The following PCDHGB4 variants were observed in gnomAD, a reference collection of about 807,000 sequenced individuals.
PCDHGB4 encodes the protein protocadherin gamma subfamily B, 4.
PCDHGB4 carries 38 observed loss-of-function variants against 60.5 expected under a neutral mutation model. The ratio of observed to expected loss-of-function variants is 0.63; its 90% confidence interval spans 0.48 to 0.82. PCDHGB4 has a LOEUF of 0.82. PCDHGB4 is among the 40% of genes least tolerant of loss of function. The pLI, the probability that PCDHGB4 is intolerant of heterozygous loss-of-function variation, is 0.00. For synonymous variants in PCDHGB4, 456 were observed against 509.7 expected (o/e 0.89, Z 1.42); for missense variants, 1,109 against 1,209.6 (o/e 0.92, Z 1.23).
chr5:141,431,016 C>T lies in PCDHGB4; in HGVS notation c.2397+40735C>T, dbSNP rs755015257. Reference sequence around the variant, plus strand: ...AATCCGCGCAGCGGCAGCTTGGTCACGGCGGGCAGGATAGACCGGGAGGAG... The same window carrying T: ...AATCCGCGCAGCGGCAGCTTGGTCATGGCGGGCAGGATAGACCGGGAGGAG... On this transcript the variant is annotated intron_variant, in intron 1 of 3. Transcript: ENST00000519479. This position sits in a 1 kb window ranked among gnomAD's most constrained non-coding sequence, Gnocchi z 4.8. 3 of 1,613,456 alleles carry T rather than the reference C, an allele frequency of 1.9e-6. No individual in the cohort carries two copies. The highest frequency in any genetic ancestry group is 2.2e-5 in the South Asian group (2 of 91,058).
At position 141,404,906 on chromosome 5, in the gene PCDHGB4, C is replaced by A. The variant is rs776779922; in HGVS notation, c.2397+14625C>A. 1 of 1,613,864 alleles carries A rather than the reference C, an allele frequency of 6.2e-7. No homozygotes were observed. The highest frequency in any genetic ancestry group is 8.5e-7 in the Non-Finnish European group (1 of 1,179,858). ...GGTGGCTGTACAGGACCATGGCCAGCCCCCTCTCTCGGCCACTGTCACGCT... is the reference window on the plus strand; with the variant it reads ...GGTGGCTGTACAGGACCATGGCCAGACCCCTCTCTCGGCCACTGTCACGCT... On this transcript the variant is annotated intron_variant, in intron 1 of 3. Transcript: ENST00000519479.
Position 141,485,574 on chromosome 5 carries a change from C to T in PCDHGB4, c.2398-9233C>T. 1 of 1,612,568 alleles carries T rather than the reference C, an allele frequency of 6.2e-7. No homozygotes were observed. Among genetic ancestry groups the T allele is most frequent in the Non-Finnish European group, 8.5e-7 (1 of 1,178,752 alleles). On this transcript the variant is annotated intron_variant, in intron 1 of 3. Transcript: ENST00000519479. This position sits in a 1 kb window ranked among gnomAD's most constrained non-coding sequence, Gnocchi z 5.7. ...GTGAATGATCACGCCCCCCGTTTTCCGCGGCAGCAGCTGGACTTGGAAATT... is the reference window on the plus strand; with the variant it reads ...GTGAATGATCACGCCCCCCGTTTTCTGCGGCAGCAGCTGGACTTGGAAATT...
rs549866784 is a variant in PCDHGB4, at chr5:141,437,490, A to G, written c.2397+47209A>G. ...TTTTATAGCATATTTAATCTCGTAGATCACTTTTCAATGAATTATAAGGCT... is the reference window on the plus strand; with the variant it reads ...TTTTATAGCATATTTAATCTCGTAGGTCACTTTTCAATGAATTATAAGGCT... On this transcript the variant is annotated intron_variant, in intron 1 of 3. Coordinates refer to ENST00000519479, the MANE Select transcript of PCDHGB4 (RefSeq NM_003736.4). 2.0e-5 allele frequency among the ~76,000 whole-genome samples: 3 copies of G among 152,308 alleles called. No homozygotes were observed. In the East Asian group the frequency reaches 5.8e-4, roughly 29 times the overall value.
chr5:141,463,359 T>C (rs2099057442), intron 1 of PCDHGB4, among the ~76,000 whole-genome samples: 2 of 151,672 alleles, frequency 1.3e-5, no homozygotes, highest in Admixed American at 6.6e-5. Flanking sequence ...GGATTTCCCC[T>C]TTCCTGCCCC....
chr5:141,399,991 G>C, intron 1 of PCDHGB4: 1 of 1,612,422 alleles, frequency 6.2e-7, no homozygotes, highest in Non-Finnish European at 8.5e-7. Context: ...CACAGGAGAG[G>C]TGCGCACAGC....
rs779949817 is a variant in PCDHGB4 at position 141,487,266 on chromosome 5, T to G, written c.2398-7541T>G. The G allele has an allele frequency of 6.2e-7, 1 of 1,614,054 alleles. No individual in the cohort carries two copies. The highest frequency in any genetic ancestry group is 8.5e-7 in the Non-Finnish European group (1 of 1,180,044). On this transcript the variant is annotated intron_variant, in intron 1 of 3. Transcript: ENST00000519479. This position sits in a 1 kb window ranked among gnomAD's most constrained non-coding sequence, Gnocchi z 5.0. The stretch of plus-strand genomic sequence containing the variant: ...ACCCTCTACTTGGCTGTGTCCCTAG[T>G]GGCAATTTGCTTTGTCTCCTTTGGC...
At chr5:141,419,053 T>C in intron 1 of PCDHGB4, 1 of 1,613,954 alleles carries the variant, frequency 6.2e-7, no homozygotes, top group South Asian at 1.1e-5. Context: ...ATTCTTCTTC[T>C]AATAATTACT....
At chr5:141,409,878 C>T in intron 1 of PCDHGB4, 4 of 1,612,952 alleles carry the variant, frequency 2.5e-6, no homozygotes, top group Middle Eastern at 1.6e-4. Flanking sequence ...AATGACAACG[C>T]ACCGCGGGTG....
intron 1 of PCDHGB4, chr5:141,417,979 G>C (rs2096202372): frequency 6.2e-7 from 1 of 1,613,752 alleles, no homozygotes; most frequent in Admixed American, 1.7e-5. Context: ...TTCCGGAGGA[G>C]CTGGCCAAGG....
chr5:141,469,436 G>A (rs556417221), intron 1 of PCDHGB4, among the ~76,000 whole-genome samples: 11 of 152,118 alleles, frequency 7.2e-5, no homozygotes, highest in East Asian at 1.9e-4. Flanking sequence ...TTAGCTGGGC[G>A]TGGTGGTGCA....
At chr5:141,415,476 G>A (rs765634887) in intron 1 of PCDHGB4, 1 of 1,614,076 alleles carries the variant, frequency 6.2e-7, no homozygotes. Context: ...CCGCGGACTC[G>A]CGAAAGAGTC....
Position 141,418,146 on chromosome 5 carries a change from G to A in PCDHGB4, c.2397+27865G>A, listed in dbSNP as rs755513829. The A allele has an allele frequency of 1.1e-5, 18 of 1,613,970 alleles. No homozygotes were observed. In the South Asian group the frequency reaches 1.6e-4, roughly 15 times the overall value. ...GACCGAATAGACCGTGAGCAAATAT[G>A]CAAAGAGAGAAGAAGATGTGAGTTG... is the stretch of plus-strand genomic sequence containing the variant. On this transcript the variant is annotated intron_variant, in intron 1 of 3. Transcript: ENST00000519479.
Position 141,476,559 on chromosome 5 carries a change from T to C in PCDHGB4, c.2398-18248T>C. The stretch of plus-strand genomic sequence containing the variant: ...ATGAAATTGGAGATTAGCGAGGCCG[T>C]GGCTCCGGGGACGCGCTTTCCGCTC... On this transcript the variant is annotated intron_variant, in intron 1 of 3. Coordinates refer to ENST00000519479, the MANE Select transcript of PCDHGB4 (RefSeq NM_003736.4). This position sits in a 1 kb window ranked among gnomAD's most constrained non-coding sequence, Gnocchi z 7.6. 4 of 1,614,228 alleles carry C rather than the reference T, an allele frequency of 2.5e-6. No homozygotes were observed. Among genetic ancestry groups the C allele is most frequent in the Non-Finnish European group, 3.4e-6 (4 of 1,180,036 alleles).
At chr5:141,413,785 C>G (rs771027783) in intron 1 of PCDHGB4, 17 of 1,613,070 alleles carry the variant, frequency 1.1e-5, no homozygotes, top group Non-Finnish European at 1.4e-5. Flanking sequence ...GGAGCACTCC[C>G]TAGATCGCGA....
Position 141,489,427 on chromosome 5 carries a change from C to A in PCDHGB4, c.2398-5380C>A. ...AAAGATGACAGATCTGTTGAGCCGG[C>A]GGCTGCAATTGGGCTCTGAGGAGAA... On this transcript the variant is annotated intron_variant, in intron 1 of 3. Coordinates refer to ENST00000519479, the MANE Select transcript of PCDHGB4 (RefSeq NM_003736.4). This position sits in a 1 kb window ranked among gnomAD's most constrained non-coding sequence, Gnocchi z 4.5. The A allele has an allele frequency of 6.2e-7, 1 of 1,614,108 alleles. No individual in the cohort carries two copies. The highest frequency in any genetic ancestry group is 1.1e-5 in the South Asian group (1 of 91,086).
intron 1 of PCDHGB4, among the ~76,000 whole-genome samples, chr5:141,401,848 T>C (rs1476670200): frequency 6.6e-6 from 1 of 152,230 alleles, no homozygotes; most frequent in Non-Finnish European, 1.5e-5. Flanking sequence ...TACCACTTAC[T>C]TTTAACCTTT....
intron 1 of PCDHGB4, among the ~76,000 whole-genome samples, chr5:141,424,884 T>C (rs953145254): frequency 2.0e-5 from 3 of 152,186 alleles, no homozygotes; most frequent in Non-Finnish European, 4.4e-5. Flanking sequence ...AGGAGACTTA[T>C]CTAGGGTTTT....
rs564439931 is a variant in PCDHGB4 at position 141,490,480 on chromosome 5, C to T, written c.2398-4327C>T. On this transcript the variant is annotated intron_variant, in intron 1 of 3. Coordinates refer to ENST00000519479, the MANE Select transcript of PCDHGB4 (RefSeq NM_003736.4). The surrounding 1 kb of genome is among the most constrained non-coding windows in gnomAD (Gnocchi z 5.4). ...GCTGCTAACCAGCCAGCCTTTGGAC[C>T]GGGAGGCCACATCCCACTATATCAT... The T allele has an allele frequency of 3.5e-5, 56 of 1,614,194 alleles. No individual in the cohort carries two copies. Among genetic ancestry groups the T allele is most frequent in the Admixed American group, 1.5e-4 (9 of 60,022 alleles).
intron 1 of PCDHGB4, among the ~76,000 whole-genome samples, chr5:141,464,748 T>A (rs995568259): frequency 2.0e-5 from 3 of 152,190 alleles, no homozygotes; most frequent in Admixed American, 2.0e-4. Flanking sequence ...TATCTTTTTG[T>A]TTTTTTAGAG....
Sources: gnomAD v4.1 joint callset for allele counts (sites outside exome capture counted in the v4.1 genomes callset) on GRCh38, gnomAD v4.1.1 for gene constraint, Gnocchi (gnomAD v3.1) non-coding constraint, MANE v1.5 for transcripts, NCBI Gene and HGNC (gene_info 2026-07-23, HGNC 2026-07-21) for gene names.